COL22A1: variants seen among roughly 807,000 people sequenced by gnomAD.
COL22A1 encodes the protein collagen alpha-1(XXII) chain.
COL22A1 carries 221 observed loss-of-function variants against 248.9 expected under a neutral mutation model. The ratio of observed to expected loss-of-function variants is 0.89; its 90% CI spans 0.80 to 0.99. The LOEUF is 0.99. Ranked by LOEUF, COL22A1 falls within the 50% of genes least tolerant of loss-of-function variation. The pLI, the probability that COL22A1 is intolerant of heterozygous loss-of-function variation, is 0.00. For synonymous variants in COL22A1, 891 were observed against 793.4 expected, an observed-to-expected ratio of 1.12 and a Z score of -2.07; for missense variants, 2,240 against 2,179.0, an observed-to-expected ratio of 1.03 and a Z score of -0.56.
At chr8:138,655,662 G>A (rs1289178403) in intron 45 of COL22A1, among the ~76,000 whole-genome samples, 2 of 152,130 alleles carry the variant, frequency 1.3e-5, no homozygotes, top group East Asian at 3.9e-4. Context: ...TGCCTGGCCT[G>A]TATTTAATTT....
chr8:138,825,719 T>C (rs1426401421), intron 6 of COL22A1: 2 of 152,130 alleles, frequency 1.3e-5, no homozygotes, highest in Non-Finnish European at 2.9e-5. Flanking sequence ...TGGAGTCCAA[T>C]TGCTTGAGCA....
Position 138,716,155 on chromosome 8 carries a change from C to A in COL22A1, c.2463+72G>T, listed in dbSNP as rs1829414968. On this transcript the variant is annotated intron_variant, in intron 29 of 64. Transcript: ENST00000303045. ...TTATGACTGTCCCGAGGGACTGAGA[C>A]TCCACAGGGGGCTGCTCTCTGTGGA... 2.5e-6 allele frequency: 3 copies of A among 1,202,140 alleles called. No individual in the cohort carries two copies. The South Asian group carries it at 4.1e-5, about 16-fold the overall frequency. 74.5% of individuals were successfully genotyped at this position (1,202,140 alleles called of 1,614,324 possible).
intron 27 of COL22A1, among the ~76,000 whole-genome samples, chr8:138,719,259 A>AC (rs1554600561): frequency 6.6e-6 from 1 of 152,210 alleles, no homozygotes; most frequent in Non-Finnish European, 1.5e-5. Context: ...ATGAAAAAAA[A>AC]ACACACAGCA....
intron 17 of COL22A1, 38 bp from the exon 18 acceptor site, chr8:138,760,325 C>A (rs780859764): frequency 6.3e-7 from 1 of 1,578,898 alleles, no homozygotes; most frequent in South Asian, 1.2e-5. Flanking sequence ...ATGATGGGCA[C>A]TACGGATACG....
chr8:138,781,076 A>G, intron 12 of COL22A1, 96 bp from the exon 13 acceptor site: 1 of 854,476 alleles, frequency 1.2e-6, no homozygotes, highest in Non-Finnish European at 1.9e-6. Context: ...GAAGGGAAGG[A>G]AATTGTGACC....
intron 11 of COL22A1, 136 bp downstream of exon 11, chr8:138,802,736 G>C: frequency 5.6e-6 from 4 of 719,110 alleles, no homozygotes; most frequent in Non-Finnish European, 1.0e-5. Context: ...GCTTCATCTT[G>C]AGGGTGGTGT....
intron 46 of COL22A1, 53 bp downstream of exon 46, chr8:138,649,612 G>C (rs1321726832): frequency 1.9e-6 from 3 of 1,572,726 alleles, no homozygotes; most frequent in Non-Finnish European, 1.7e-6. Flanking sequence ...GAGATCTCCA[G>C]AATGATATTT....
At chr8:138,616,142 G>A in intron 54 of COL22A1, 88 bp from the exon 55 acceptor site, 1 of 1,089,686 alleles carries the variant, frequency 9.2e-7, no homozygotes, top group Non-Finnish European at 1.4e-6. Flanking sequence ...AGCTGGGAGA[G>A]GTGGAGAGGC....
At chr8:138,721,064 A>C (rs1194408399) in intron 26 of COL22A1, among the ~76,000 whole-genome samples, 2 of 152,228 alleles carry the variant, frequency 1.3e-5, no homozygotes, top group African/African-American at 4.8e-5. Flanking sequence ...GAAGAAAGGA[A>C]GATGTTGCAT....
chr8:138,764,551 C>T (rs138772692), intron 16 of COL22A1, among the ~76,000 whole-genome samples: 172 of 152,350 alleles, frequency 1.1e-3, no homozygotes, highest in African/African-American at 3.9e-3. Flanking sequence ...GTTTGCAGGC[C>T]CCTGGCCTTG....
intron 64 of COL22A1, 50 bp downstream of exon 64, chr8:138,591,374 T>G: frequency 7.1e-7 from 1 of 1,399,240 alleles, no homozygotes; most frequent in Non-Finnish European, 9.6e-7. Flanking sequence ...GGGTGCTGGG[T>G]CTCCAGGGTA....
intron 2 of COL22A1, 35 bp downstream of exon 2, chr8:138,883,047 C>T (rs1463297178): frequency 1.3e-6 from 2 of 1,531,900 alleles, no homozygotes; most frequent in Non-Finnish European, 1.8e-6. Context: ...TGCTCTGTCC[C>T]CAGCACAGCA....
At chr8:138,860,697 A>T (rs928761520) in intron 3 of COL22A1, among the ~76,000 whole-genome samples, 29 of 152,292 alleles carry the variant, frequency 1.9e-4, no homozygotes, top group African/African-American at 7.0e-4. Flanking sequence ...AGTCCCAGCT[A>T]TTCGGGAGGC....
intron 11 of COL22A1, among the ~76,000 whole-genome samples, chr8:138,801,492 G>A (rs1011714136): frequency 6.6e-6 from 1 of 152,132 alleles, no homozygotes; most frequent in Non-Finnish European, 1.5e-5. Flanking sequence ...TGAGCACTGA[G>A]AACACAGAAG....
intron 37 of COL22A1, among the ~76,000 whole-genome samples, chr8:138,686,721 CT>C (rs1246456502): frequency 3.3e-5 from 5 of 152,182 alleles, no homozygotes; most frequent in African/African-American, 1.2e-4. Context: ...CAATAGCCCA[CT>C]GATTTCTGGT....
At chr8:138,643,050 A>C (rs2130464002) in intron 47 of COL22A1, among the ~76,000 whole-genome samples, 1 of 151,610 alleles carries the variant, frequency 6.6e-6, no homozygotes, top group African/African-American at 2.4e-5. Flanking sequence ...AAAAAAGGCA[A>C]TTCCCCCTCA....
intron 16 of COL22A1, among the ~76,000 whole-genome samples, chr8:138,775,642 C>A (rs367833799): frequency 2.0e-5 from 3 of 152,280 alleles, no homozygotes; most frequent in East Asian, 3.9e-4. Flanking sequence ...GCAACTGGGA[C>A]TTTGGAGTCC....
At chr8:138,899,681 G>A (rs1477912309) in intron 1 of COL22A1, among the ~76,000 whole-genome samples, 3 of 152,006 alleles carry the variant, frequency 2.0e-5, no homozygotes, top group Non-Finnish European at 4.4e-5. Context: ...GCGCCACCAT[G>A]CCCGGCTAAT....
chr8:138,700,287 A>G, intron 31 of COL22A1, 143 bp from the exon 32 acceptor site: 1 of 753,770 alleles, frequency 1.3e-6, no homozygotes. Context: ...TGACAATTAG[A>G]TTCACATCTT....
Sources: gnomAD v4.1 joint callset for allele counts (sites outside exome capture counted in the v4.1 genomes callset) on GRCh38, gnomAD v4.1.1 for gene constraint, MANE v1.5 for transcripts, NCBI Gene and HGNC (gene_info 2026-07-23, HGNC 2026-07-21) for gene names.